SLC9A9: variants seen among roughly 807,000 people sequenced by gnomAD.
The protein encoded by SLC9A9 is solute carrier family 9 member A9.
In SLC9A9, 62 loss-of-function variants were observed where a neutral mutation model predicts 77.8. That is an observed-to-expected ratio of 0.80 (90% CI 0.65 to 0.98). SLC9A9 has a LOEUF of 0.98. SLC9A9 is among the 50% of genes least tolerant of loss of function. SLC9A9 has a pLI of 0.00. For synonymous variants in SLC9A9, 320 were observed against 283.5 expected, an observed-to-expected ratio of 1.13 and a Z score of -1.29; for missense variants, 775 against 774.9, an observed-to-expected ratio of 1.00 and a Z score of 0.00.
Position 143,552,922 on chromosome 3 carries a change from T to G in SLC9A9, c.1001-472A>C, listed in dbSNP as rs141201755. On this transcript the variant is annotated intron_variant, in intron 8 of 15. Coordinates refer to ENST00000316549, the MANE Select transcript of SLC9A9 (RefSeq NM_173653.4). Reference sequence around the variant, plus strand: ...TCATACCATAATTTAGTATTAAAAGTCATGAGTGACAAACCTAAGACATCC... The same window carrying G: ...TCATACCATAATTTAGTATTAAAAGGCATGAGTGACAAACCTAAGACATCC... Among the ~76,000 whole-genome samples, 62 of 152,280 alleles carry G rather than the reference T, an allele frequency of 4.1e-4. 1 individual carries two copies. In the East Asian group the frequency reaches 8.1e-3, roughly 20 times the overall value.
chr3:143,350,062 C>T (rs530928414), intron 14 of SLC9A9, among the ~76,000 whole-genome samples: 2 of 152,140 alleles, frequency 1.3e-5, no homozygotes, highest in Admixed American at 6.6e-5. Context: ...CATATTGTCT[C>T]CCCACAAGAG....
Position 143,397,822 on chromosome 3 carries a change from T to C in SLC9A9, c.1470-15708A>G, listed in dbSNP as rs531198451. Among the ~76,000 whole-genome samples the C allele has an allele frequency of 2.6e-5, 4 of 152,250 alleles. No individual in the cohort carries two copies. The South Asian group carries it at 8.3e-4, about 32-fold the overall frequency. On this transcript the variant is annotated intron_variant, in intron 12 of 15. Coordinates refer to ENST00000316549, the MANE Select transcript of SLC9A9 (RefSeq NM_173653.4). Reference sequence around the variant, plus strand: ...GCATTCTCTTGATGCAAGGAGCATATTCTCCCCATGAACATCATTTACAAA... The same window carrying C: ...GCATTCTCTTGATGCAAGGAGCATACTCTCCCCATGAACATCATTTACAAA...
intron 4 of SLC9A9, among the ~76,000 whole-genome samples, chr3:143,761,286 G>C (rs2007113237): frequency 6.6e-6 from 1 of 152,104 alleles, no homozygotes. Context: ...GCAGAGGCAA[G>C]GACTTCATGT....
intron 14 of SLC9A9, among the ~76,000 whole-genome samples, chr3:143,360,472 G>A (rs544230105): frequency 5.3e-5 from 8 of 152,134 alleles, no homozygotes; most frequent in Non-Finnish European, 7.3e-5. Flanking sequence ...AACCCAATCA[G>A]TAGTACACTT....
At chr3:143,480,036 G>GGTAA (rs2035548266) in intron 11 of SLC9A9, among the ~76,000 whole-genome samples, 1 of 152,178 alleles carries the variant, frequency 6.6e-6, no homozygotes, top group Non-Finnish European at 1.5e-5. Context: ...GACCATTTAA[G>GGTAA]GTAAGTATTA....
intron 12 of SLC9A9, among the ~76,000 whole-genome samples, chr3:143,432,446 C>G (rs2034538112): frequency 6.6e-6 from 1 of 152,158 alleles, no homozygotes; most frequent in African/African-American, 2.4e-5. Context: ...AACTGCAACA[C>G]TGATTTCTGA....
intron 12 of SLC9A9, among the ~76,000 whole-genome samples, chr3:143,404,172 TTTTTTC>T (rs1417172058): frequency 5.2e-5 from 5 of 95,732 alleles, no homozygotes; most frequent in African/African-American, 1.8e-4. Flanking sequence ...ATAATTTTTC[TTTTTTC>T]TTTTTTTTTT....
chr3:143,507,210 A>T (rs993101256), intron 9 of SLC9A9, among the ~76,000 whole-genome samples: 4 of 150,914 alleles, frequency 2.7e-5, no homozygotes, highest in East Asian at 1.9e-4. Flanking sequence ...TATTATTATT[A>T]TTATTTTTAT....
intron 7 of SLC9A9, among the ~76,000 whole-genome samples, chr3:143,575,747 C>T (rs1341607839): frequency 6.6e-6 from 1 of 152,136 alleles, no homozygotes; most frequent in Non-Finnish European, 1.5e-5. Context: ...AGCTATCTAA[C>T]ATTCTTTTCT....
At chr3:143,826,342 T>G in intron 2 of SLC9A9, among the ~76,000 whole-genome samples, 1 of 152,232 alleles carries the variant, frequency 6.6e-6, no homozygotes, top group Non-Finnish European at 1.5e-5. Flanking sequence ...AACTTCCACA[T>G]TTTTGCCTCA....
chr3:143,437,657 G>T (rs1424042762), intron 12 of SLC9A9, among the ~76,000 whole-genome samples: 1 of 152,222 alleles, frequency 6.6e-6, no homozygotes, highest in Middle Eastern at 3.2e-3. Context: ...GTTAAATGAT[G>T]GGAGACATGT....
At chr3:143,322,682 T>C (rs925429325) in intron 14 of SLC9A9, among the ~76,000 whole-genome samples, 1 of 152,222 alleles carries the variant, frequency 6.6e-6, no homozygotes, top group Non-Finnish European at 1.5e-5. Context: ...TTTTTGTGTA[T>C]GTGTTCAAAC....
In SLC9A9 at chr3:143,493,698, T is replaced by A; in HGVS notation, c.1270A>T (p.Lys424Ter). 1 of 1,614,140 alleles carries A rather than the reference T, an allele frequency of 6.2e-7. No homozygotes were observed. The highest frequency in any genetic ancestry group is 8.5e-7 in the Non-Finnish European group (1 of 1,179,980). Reference sequence around the variant, plus strand: ...TGAAAGTTCCAGGGGATCTTCTGTTTTCGGCCTAGATTCAGGAGGAAGGAG... The same window carrying A: ...TGAAAGTTCCAGGGGATCTTCTGTTATCGGCCTAGATTCAGGAGGAAGGAG... ...PLSFLLNLGR[K>*]QKIPWNFQHM... is the part of the protein sequence containing the mutation. The change falls in exon 11 of 16, where the codon AAA becomes TAA. Residue 424 changes from lysine to a stop codon, truncating the protein, a stop_gained. Coordinates refer to ENST00000316549, the MANE Select transcript of SLC9A9 (RefSeq NM_173653.4). LOFTEE classifies it high-confidence loss of function.
chr3:143,816,430 G>A (rs576037977), intron 2 of SLC9A9, among the ~76,000 whole-genome samples: 43 of 152,156 alleles, frequency 2.8e-4, no homozygotes, highest in South Asian at 2.1e-4. Flanking sequence ...ACCGTTTTAC[G>A]TTTATTGAAT....
intron 4 of SLC9A9, among the ~76,000 whole-genome samples, chr3:143,781,245 A>G (rs957211266): frequency 1.1e-4 from 16 of 152,228 alleles, no homozygotes; most frequent in African/African-American, 3.9e-4. Context: ...ATTCTATAAG[A>G]GTCTATTCTA....
intron 12 of SLC9A9, among the ~76,000 whole-genome samples, chr3:143,385,661 A>C (rs62276820): frequency 0.011 from 1,622 of 152,300 alleles, 10 homozygotes; most frequent in Middle Eastern, 0.017. Context: ...TTTATACGTA[A>C]TGAGTTTTTG....
intron 9 of SLC9A9, among the ~76,000 whole-genome samples, chr3:143,542,814 C>T (rs2036710713): frequency 6.6e-6 from 1 of 152,142 alleles, no homozygotes; most frequent in Admixed American, 6.5e-5. Context: ...TATCTAGCTC[C>T]TAAGTTCAAG....
At chr3:143,279,043 C>G (rs1938135022) in intron 14 of SLC9A9, among the ~76,000 whole-genome samples, 1 of 132,280 alleles carries the variant, frequency 7.6e-6, no homozygotes, top group Non-Finnish European at 1.5e-5. Flanking sequence ...TAAACGTTAG[C>G]TAACATTTTT....
chr3:143,668,338 G>GGGGGAGA (rs2039104890), intron 5 of SLC9A9, among the ~76,000 whole-genome samples: 1 of 109,458 alleles, frequency 9.1e-6, no homozygotes. Context: ...TCGTGGGGTG[G>GGGGGAGA]GGGGAGGGGG....
Sources: gnomAD v4.1 joint callset for allele counts (sites outside exome capture counted in the v4.1 genomes callset) on GRCh38, gnomAD v4.1.1 for gene constraint, MANE v1.5 for transcripts, NCBI Gene and HGNC (gene_info 2026-07-23, HGNC 2026-07-21) for gene names.